The following GSE1 variants were observed in gnomAD, a reference collection of about 807,000 sequenced individuals.
GSE1 encodes genetic suppressor element 1.
Under a neutral mutation model 112.6 loss-of-function variants are expected in GSE1, and 32 were observed. The ratio of observed to expected loss-of-function variants is 0.28; its 90% CI spans 0.21 to 0.38. The LOEUF (loss-of-function observed/expected upper bound fraction) is 0.38, where lower values mean the gene tolerates loss of function less well. GSE1 is among the 10% of genes least tolerant of loss of function. The probability of loss-of-function intolerance (pLI) is 1.00; values close to 1 mark genes in which losing one functional copy is unlikely to be tolerated. For synonymous variants in GSE1, 1,115 were observed against 735.6 expected (o/e 1.52, Z -8.35); for missense variants, 2,348 against 1,699.2 (o/e 1.38, Z -6.71).
chr16:85,323,937 G>C (rs1007871242), intron 1 of GSE1, among the ~76,000 whole-genome samples: 1 of 152,194 alleles, frequency 6.6e-6, no homozygotes, highest in Non-Finnish European at 1.5e-5. Context: ...TCTGCCTTGA[G>C]CCCAGGAGCA....
chr16:85,578,648 C>T (rs1221712416), intron 1 of GSE1, among the ~76,000 whole-genome samples: 1 of 152,172 alleles, frequency 6.6e-6, no homozygotes, highest in Non-Finnish European at 1.5e-5. Flanking sequence ...GAACAGCAGG[C>T]CAAGTGTCCC....
chr16:85,299,642 C>G (rs1235853561), intron 1 of GSE1, among the ~76,000 whole-genome samples: 1 of 152,208 alleles, frequency 6.6e-6, no homozygotes, highest in African/African-American at 2.4e-5. Context: ...AAATTGCATT[C>G]TTTGGCCAGG....
chr16:85,342,643 A>G (rs918658861), intron 1 of GSE1, among the ~76,000 whole-genome samples: 4 of 152,128 alleles, frequency 2.6e-5, no homozygotes, highest in Non-Finnish European at 5.9e-5. Context: ...CCAGGGCGAG[A>G]GTCTGTCATC....
At chr16:85,345,631 G>A (rs749773005) in intron 1 of GSE1, among the ~76,000 whole-genome samples, 3 of 151,816 alleles carry the variant, frequency 2.0e-5, no homozygotes, top group South Asian at 2.1e-4. Context: ...CCACCCACCC[G>A]CCCTTCTCTC....
chr16:85,303,800 G>A (rs1163422053), intron 1 of GSE1, among the ~76,000 whole-genome samples: 1 of 152,252 alleles, frequency 6.6e-6, no homozygotes, highest in Admixed American at 6.5e-5. Flanking sequence ...AGTGAAACGA[G>A]GGTGAACACA....
upstream of GSE1, among the ~76,000 whole-genome samples, chr16:85,610,825 C>T (rs1439135742): frequency 6.6e-6 from 1 of 152,216 alleles, no homozygotes; most frequent in Non-Finnish European, 1.5e-5. Flanking sequence ...CAACTCAGGG[C>T]CTCAACTTCC....
At chr16:85,228,292 G>A (rs2075524104) in intron 1 of GSE1, among the ~76,000 whole-genome samples, 1 of 152,236 alleles carries the variant, frequency 6.6e-6, no homozygotes, top group Admixed American at 6.5e-5. Flanking sequence ...CTTTCCTGTG[G>A]CTGCTGGGGA....
intron 2 of GSE1, among the ~76,000 whole-genome samples, chr16:85,637,017 T>G (rs2151778063): frequency 6.6e-6 from 1 of 152,340 alleles, no homozygotes; most frequent in African/African-American, 2.4e-5. Context: ...GGTTTGCATT[T>G]CTTATTTAAA....
chr16:85,422,357 AG>A (rs1196032165), intron 2 of GSE1, among the ~76,000 whole-genome samples: 1 of 142,344 alleles, frequency 7.0e-6, no homozygotes, highest in African/African-American at 2.5e-5. Flanking sequence ...TGCGGGAAGG[AG>A]CTGGGCGGGG....
At chr16:85,637,728 A>G (rs1406524616) in intron 2 of GSE1, among the ~76,000 whole-genome samples, 1 of 150,998 alleles carries the variant, frequency 6.6e-6, no homozygotes, top group Non-Finnish European at 1.5e-5. Flanking sequence ...CCTGCCCCGC[A>G]GGTGTAGCCT....
intron 1 of GSE1, among the ~76,000 whole-genome samples, chr16:85,352,809 C>T (rs1002286540): frequency 6.6e-6 from 1 of 152,196 alleles, no homozygotes; most frequent in Non-Finnish European, 1.5e-5. Flanking sequence ...TCCAGGCCAG[C>T]TGCTGACAAA....
intron 1 of GSE1, among the ~76,000 whole-genome samples, chr16:85,562,352 G>A (rs1306438624): frequency 6.6e-6 from 1 of 151,884 alleles, no homozygotes; most frequent in Non-Finnish European, 1.5e-5. Context: ...GCCTGGTCTG[G>A]TTCCCACCCC....
chr16:85,634,948 C>T (rs572386017), intron 2 of GSE1, among the ~76,000 whole-genome samples: 1 of 149,312 alleles, frequency 6.7e-6, no homozygotes, highest in African/African-American at 2.6e-5. Flanking sequence ...TCGCTGCTGA[C>T]AGGCGGGGGG....
At chr16:85,655,954 C>CAGCGCGGAGAGGTAAGTGCGTCTCGAG in intron 6 of GSE1, 37 bp downstream of exon 6, 1 of 1,530,154 alleles carries the variant, frequency 6.5e-7, no homozygotes, top group Non-Finnish European at 8.9e-7. Context: ...CCTCTGCCCT[C>CAGCGCGGAGAGGTAAGTGCGTCTCGAG]CCTGTCCCTT....
intron 2 of GSE1, among the ~76,000 whole-genome samples, chr16:85,642,428 C>T (rs528989270): frequency 1.8e-4 from 27 of 152,288 alleles, no homozygotes; most frequent in Non-Finnish European, 3.4e-4. Flanking sequence ...CCACCCTGGC[C>T]GGCACCTGCC....
rs141980987 is a variant in GSE1, at chr16:85,484,924, A to G, written c.2464+127281A>G. Among the ~76,000 whole-genome samples, 1,338 of 152,224 alleles carry G rather than the reference A, an allele frequency of 8.8e-3. 23 individuals are homozygous for G. Among genetic ancestry groups the G allele is most frequent in the African/African-American group, 0.031 (1,283 of 41,530 alleles). On this transcript the variant is annotated intron_variant, in intron 2 of 2. Transcript: ENST00000637419. ...GCCTCACCCTGTGCCTGCCCTGGGCATGGGCTGCACCCCGAATCTAGCCTG... is the reference window on the plus strand; with the variant it reads ...GCCTCACCCTGTGCCTGCCCTGGGCGTGGGCTGCACCCCGAATCTAGCCTG...
At chr16:85,615,014 C>T (rs2048282666) in intron 1 of GSE1, among the ~76,000 whole-genome samples, 1 of 152,244 alleles carries the variant, frequency 6.6e-6, no homozygotes, top group African/African-American at 2.4e-5. Context: ...GTCTCGTCCT[C>T]TCCTCTGGGA....
At chr16:85,622,917 A>G (rs1212752257) in intron 1 of GSE1, among the ~76,000 whole-genome samples, 1 of 152,062 alleles carries the variant, frequency 6.6e-6, no homozygotes, top group Non-Finnish European at 1.5e-5. Flanking sequence ...ACCTGCATGT[A>G]CTTGGAGAAT....
intron 2 of GSE1, among the ~76,000 whole-genome samples, chr16:85,642,476 G>C (rs1184835725): frequency 6.6e-6 from 1 of 152,194 alleles, no homozygotes; most frequent in African/African-American, 2.4e-5. Flanking sequence ...GTGCACCTGG[G>C]GACCCTCCTT....
Sources: allele counts gnomAD v4.1 joint callset (sites outside exome capture counted in the v4.1 genomes callset), GRCh38; gene constraint gnomAD v4.1.1; transcripts MANE v1.5; gene names NCBI Gene and HGNC (gene_info 2026-07-23, HGNC 2026-07-21).